The following CCL28 variants were observed in gnomAD, a reference collection of about 807,000 sequenced individuals.
CCL28 encodes the protein C-C motif chemokine ligand 28, also known as C-C motif chemokine 28.
Under a neutral mutation model 7.1 loss-of-function variants are expected in CCL28, and 4 were observed. The observed-to-expected ratio is 0.56, with a 90% CI of 0.28 to 1.29. The LOEUF (loss-of-function observed/expected upper bound fraction) is 1.29, where lower values mean the gene tolerates loss of function less well. Among genes scored for constraint, CCL28 ranks in the 50% most tolerant of loss-of-function variants. The pLI, the probability that CCL28 is intolerant of heterozygous loss-of-function variation, is 0.11. For missense variants in CCL28, 151 were observed against 163.4 expected (o/e 0.92, Z 0.41); for synonymous variants, 55 against 57.8 (o/e 0.95, Z 0.22).
chr5:43,384,464 G>A (rs1331719343), intron 2 of CCL28, among the ~76,000 whole-genome samples: 1 of 152,188 alleles, frequency 6.6e-6, no homozygotes, highest in African/African-American at 2.4e-5. Context: ...TGGATCCCAT[G>A]TATTTTCCAC....
chr5:43,358,746 T>C, the CCL28 span, among the ~76,000 whole-genome samples: 1 of 152,188 alleles, frequency 6.6e-6, no homozygotes, highest in Non-Finnish European at 1.5e-5. Flanking sequence ...AAAAAATATA[T>C]ATTTACAGAT....
At chr5:43,382,083 T>C (rs1348291010) in intron 2 of CCL28, 31 bp from the exon 3 acceptor site, 1 of 1,591,680 alleles carries the variant, frequency 6.3e-7, no homozygotes. Flanking sequence ...AGAAAGTCAC[T>C]GATATAAAAC....
chr5:43,409,490 G>A (rs1201487283), intron 1 of CCL28, among the ~76,000 whole-genome samples: 3 of 152,084 alleles, frequency 2.0e-5, no homozygotes, highest in Non-Finnish European at 4.4e-5. Context: ...TCCCACCTAT[G>A]TCAGACCTCT....
At chr5:43,358,616 T>G in the CCL28 span, among the ~76,000 whole-genome samples, 1 of 152,184 alleles carries the variant, frequency 6.6e-6, no homozygotes, top group African/African-American at 2.4e-5. Context: ...CTTCAATAAA[T>G]TTTATCCAGC....
chr5:43,374,750 C>A (rs1341274412), downstream of CCL28, among the ~76,000 whole-genome samples: 1 of 144,096 alleles, frequency 6.9e-6, no homozygotes, highest in Admixed American at 7.1e-5. Flanking sequence ...CACTGCAATC[C>A]AGCTTGGGCG....
the CCL28 span, among the ~76,000 whole-genome samples, chr5:43,370,803 G>A: frequency 0.033 from 4,889 of 148,914 alleles, 110 homozygotes; most frequent in Non-Finnish European, 0.044. Context: ...GTGCAGTGGC[G>A]TGACCTCGGC....
intron 1 of CCL28, among the ~76,000 whole-genome samples, chr5:43,398,519 A>G (rs1740906521): frequency 6.6e-6 from 1 of 152,182 alleles, no homozygotes; most frequent in African/African-American, 2.4e-5. Context: ...GAAAATTTCC[A>G]TATTCCTAGT....
the CCL28 span, among the ~76,000 whole-genome samples, chr5:43,370,566 A>G: frequency 6.6e-6 from 1 of 152,018 alleles, no homozygotes; most frequent in Non-Finnish European, 1.5e-5. Flanking sequence ...AGATCACTCA[A>G]ATGGATCAGG....
intron 1 of CCL28, among the ~76,000 whole-genome samples, chr5:43,390,587 A>G (rs971907304): frequency 6.6e-6 from 1 of 152,246 alleles, no homozygotes; most frequent in Admixed American, 6.5e-5. Flanking sequence ...AGAAGCAGGC[A>G]CTGAGGTCAG....
At chr5:43,361,392 C>T in the CCL28 span, among the ~76,000 whole-genome samples, 1 of 152,066 alleles carries the variant, frequency 6.6e-6, no homozygotes, top group African/African-American at 2.4e-5. Context: ...AATATGAGAC[C>T]TTTGTTGGAT....
chr5:43,404,488 T>TA (rs1741182101), intron 1 of CCL28, among the ~76,000 whole-genome samples: 1 of 152,118 alleles, frequency 6.6e-6, no homozygotes, highest in Admixed American at 6.6e-5. Flanking sequence ...AGGCCTGTCT[T>TA]ACAAGAGCTC....
downstream of CCL28, among the ~76,000 whole-genome samples, chr5:43,374,010 A>G (rs1251232551): frequency 1.3e-5 from 2 of 152,248 alleles, no homozygotes; most frequent in East Asian, 3.8e-4. Context: ...AATTTAACAT[A>G]GTTTCCTAGG....
At chr5:43,398,724 G>A (rs1220426507) in intron 1 of CCL28, among the ~76,000 whole-genome samples, 8 of 152,072 alleles carry the variant, frequency 5.3e-5, no homozygotes, top group Non-Finnish European at 1.0e-4. Flanking sequence ...GGTGGCAGAC[G>A]CCAGTAATTC....
At chr5:43,388,649 C>T (rs1740439048) in intron 1 of CCL28, among the ~76,000 whole-genome samples, 173 bp from the exon 2 acceptor site, 1 of 152,034 alleles carries the variant, frequency 6.6e-6, no homozygotes, top group Non-Finnish European at 1.5e-5. Flanking sequence ...GGAATTTAAG[C>T]TATATTTGTG....
the CCL28 span, among the ~76,000 whole-genome samples, chr5:43,365,779 T>A: frequency 6.6e-5 from 10 of 152,228 alleles, no homozygotes; most frequent in African/African-American, 2.4e-4. Flanking sequence ...ATTCTCCCCA[T>A]CACTTTCAGG....
At chr5:43,395,081 T>G (rs1363803900) in intron 1 of CCL28, among the ~76,000 whole-genome samples, 1 of 151,114 alleles carries the variant, frequency 6.6e-6, no homozygotes, top group Non-Finnish European at 1.5e-5. Flanking sequence ...TGAAAGAGTT[T>G]GTATAAGATA....
rs188686701 is a variant in CCL28, at chr5:43,393,502, C to T, written c.65-5026G>A. ...CCCAAGTAGCTGGGACCACAGGTGCCAGCCACCATGCCCAGCTAATTTTTG... is the reference window on the plus strand; with the variant it reads ...CCCAAGTAGCTGGGACCACAGGTGCTAGCCACCATGCCCAGCTAATTTTTG... On this transcript the variant is annotated intron_variant, in intron 1 of 2. Coordinates refer to ENST00000361115, the MANE Select transcript of CCL28 (RefSeq NM_148672.3). Among the ~76,000 whole-genome samples the T allele has an allele frequency of 3.9e-5, 6 of 152,148 alleles. No homozygotes were observed. In the East Asian group the frequency reaches 1.2e-3, roughly 29 times the overall value.
intron 1 of CCL28, among the ~76,000 whole-genome samples, chr5:43,403,489 C>A (rs995172738): frequency 6.6e-6 from 1 of 152,128 alleles, no homozygotes; most frequent in Non-Finnish European, 1.5e-5. Context: ...GAAAGGACAT[C>A]CACACCAAAA....
At chr5:43,357,865 C>A in the CCL28 span, among the ~76,000 whole-genome samples, 2 of 152,308 alleles carry the variant, frequency 1.3e-5, no homozygotes, top group South Asian at 2.1e-4. Context: ...TTCCACCAAA[C>A]TAACTGTCAA....
Sources: gnomAD v4.1 joint callset for allele counts (sites outside exome capture counted in the v4.1 genomes callset) on GRCh38, gnomAD v4.1.1 for gene constraint, MANE v1.5 for transcripts, NCBI Gene and HGNC (gene_info 2026-07-23, HGNC 2026-07-21) for gene names.